CAPS2: variants seen among roughly 807,000 people sequenced by gnomAD.
The protein encoded by CAPS2 is calcyphosine 2.
In CAPS2, 98 loss-of-function variants were observed where a neutral mutation model predicts 86.5. The observed-to-expected ratio is 1.13, with a 90% CI of 0.96 to 1.34. The LOEUF (loss-of-function observed/expected upper bound fraction) is 1.34. Ranked by LOEUF, CAPS2 falls within the 40% of genes most tolerant of loss-of-function variation. The pLI is 0.00. For synonymous variants in CAPS2, 210 were observed against 225.1 expected (o/e 0.93, Z 0.60); for missense variants, 729 against 686.8 (o/e 1.06, Z -0.69).
At chr12:75,346,515 T>C (rs2042459161) in intron 1 of CAPS2, among the ~76,000 whole-genome samples, 1 of 152,042 alleles carries the variant, frequency 6.6e-6, no homozygotes. Context: ...CTCAGCCTCC[T>C]GAGTAGCTAG....
intron 7 of CAPS2, among the ~76,000 whole-genome samples, chr12:75,312,001 T>C (rs2039280844): frequency 6.6e-6 from 1 of 152,206 alleles, no homozygotes; most frequent in Non-Finnish European, 1.5e-5. Context: ...ATTTCTGTCA[T>C]GCATTCTTTC....
intron 1 of CAPS2, chr12:75,367,073 C>A (rs1034715935): frequency 1.4e-6 from 1 of 698,184 alleles, no homozygotes; most frequent in African/African-American, 1.8e-5. Context: ...AATGCACAGA[C>A]AAGCCAACTG....
At chr12:75,320,004 T>C (rs1243851887) in intron 5 of CAPS2, among the ~76,000 whole-genome samples, 1 of 152,142 alleles carries the variant, frequency 6.6e-6, no homozygotes, top group East Asian at 1.9e-4. Context: ...ACAGAAATGC[T>C]TTTTAACTAG....
downstream of CAPS2, chr12:75,276,710 T>C (rs987777223): frequency 8.8e-6 from 7 of 796,558 alleles, no homozygotes; most frequent in South Asian, 5.9e-5. Context: ...AAAATCAGTA[T>C]ATACAATTCC....
chr12:75,343,858 A>G, intron 1 of CAPS2: 2 of 1,612,074 alleles, frequency 1.2e-6, no homozygotes, highest in Non-Finnish European at 1.7e-6. Flanking sequence ...AAGACATGCC[A>G]TTACGGCTTG....
intron 11 of CAPS2, among the ~76,000 whole-genome samples, chr12:75,296,957 C>T (rs2037007084): frequency 6.6e-6 from 1 of 152,172 alleles, no homozygotes; most frequent in Non-Finnish European, 1.5e-5. Flanking sequence ...CAATGTGAAC[C>T]TCTTTTGATA....
intron 11 of CAPS2, among the ~76,000 whole-genome samples, chr12:75,294,259 T>C (rs567676371): frequency 2.0e-5 from 3 of 152,314 alleles, no homozygotes; most frequent in South Asian, 2.1e-4. Flanking sequence ...ATACAAATTA[T>C]AAATAGGGGC....
intron 1 of CAPS2, among the ~76,000 whole-genome samples, chr12:75,373,026 T>C (rs1305139422): frequency 3.9e-5 from 6 of 152,220 alleles, no homozygotes; most frequent in Admixed American, 6.5e-5. Flanking sequence ...ACGGAGGCAG[T>C]CCAATGTAAT....
rs535077451 is a variant in CAPS2 at position 75,370,294 on chromosome 12, C to T, written c.-395+20544G>A. 46 of 579,188 alleles carry T rather than the reference C, an allele frequency of 7.9e-5. 1 individual carries two copies. In the East Asian group the frequency reaches 9.8e-4, roughly 12 times the overall value. The allele number at this position is 579,188 out of a possible 1,614,324, so 35.9% of individuals were successfully genotyped here. Reference sequence around the variant, plus strand: ...AATCTTCTACACTCTTGCCTGATACCTAAATTTAATGTTTGTTTTTAACTC... The same window carrying T: ...AATCTTCTACACTCTTGCCTGATACTTAAATTTAATGTTTGTTTTTAACTC... On this transcript the variant is annotated intron_variant, in intron 1 of 5. Transcript: ENST00000551829.
At chr12:75,308,837 C>T (rs901193059) in intron 7 of CAPS2, among the ~76,000 whole-genome samples, 8 of 143,338 alleles carry the variant, frequency 5.6e-5, no homozygotes, top group Non-Finnish European at 1.1e-4. Flanking sequence ...ATGAGTAAGG[C>T]GCTTGCAGTG....
exon 11 of CAPS2, chr12:75,298,701 C>T (rs773007096): frequency 8.7e-6 from 14 of 1,613,384 alleles, no homozygotes; most frequent in African/African-American, 1.3e-5. Context: ...TAAAAATCAC[C>T]AAGTCGGTAT....
intron 5 of CAPS2, among the ~76,000 whole-genome samples, chr12:75,317,234 T>C (rs1593491028): frequency 6.6e-6 from 1 of 152,138 alleles, no homozygotes; most frequent in South Asian, 2.1e-4. Context: ...CAGAACAGGA[T>C]AACACAAAGT....
At chr12:75,340,948 G>A (rs558901479) in intron 1 of CAPS2, among the ~76,000 whole-genome samples, 1 of 152,008 alleles carries the variant, frequency 6.6e-6, no homozygotes, top group South Asian at 2.1e-4. Flanking sequence ...GTGAAGATAT[G>A]GAGAAAATTG....
At chr12:75,304,244 C>T (rs1044215429) in intron 8 of CAPS2, among the ~76,000 whole-genome samples, 5 of 151,956 alleles carry the variant, frequency 3.3e-5, no homozygotes, top group Admixed American at 6.6e-5. Context: ...TATAAAAAAG[C>T]TACTGTGGGT....
At chr12:75,363,189 C>T in intron 1 of CAPS2, 1 of 1,401,052 alleles carries the variant, frequency 7.1e-7, no homozygotes, top group Non-Finnish European at 9.6e-7. Context: ...AGAACCTCTG[C>T]AGTAAGCAAA....
rs571782386 is a variant in CAPS2, at chr12:75,369,986, C to T, written c.-395+20852G>A. On this transcript the variant is annotated intron_variant, in intron 1 of 5. Coordinates refer to the CAPS2 transcript ENST00000551829. ...GACTCCACAACTTATTATACCTAAC[C>T]GTATGTATCAAAATATTTTAGTATT... 1,044 of 1,075,876 alleles carry T rather than the reference C, an allele frequency of 9.7e-4. 18 individuals carry two copies. The South Asian group carries it at 0.014, about 14-fold the overall frequency. 66.6% of individuals were successfully genotyped at this position (1,075,876 alleles called of 1,614,324 possible). A position where few individuals can be genotyped will look rare whatever the true frequency, so the allele number is the denominator to read the frequency against.
At chr12:75,277,312 A>G (rs2033103423) in exon 17 of CAPS2, 1 of 971,410 alleles carries the variant, frequency 1.0e-6, no homozygotes, top group Admixed American at 6.2e-5. Flanking sequence ...TAAGAACTAA[A>G]TAAAAATTAT....
chr12:75,282,105 G>A (rs2034057864), intron 16 of CAPS2, 146 bp downstream of exon 16: 1 of 615,774 alleles, frequency 1.6e-6, no homozygotes, highest in Non-Finnish European at 2.9e-6. Flanking sequence ...AATGAAGAAA[G>A]GCAAATAGTT....
At chr12:75,324,407 T>C (rs2040580122) in intron 2 of CAPS2, among the ~76,000 whole-genome samples, 1 of 152,216 alleles carries the variant, frequency 6.6e-6, no homozygotes. Flanking sequence ...CAACTTAATA[T>C]ATGCTCAAAT....
Sources: gnomAD v4.1 joint callset for allele counts (sites outside exome capture counted in the v4.1 genomes callset) on GRCh38, gnomAD v4.1.1 for gene constraint, MANE v1.5 for transcripts, NCBI Gene and HGNC (gene_info 2026-07-23, HGNC 2026-07-21) for gene names.